Variants in CNTN4 observed in about 807,000 individuals in gnomAD.
CNTN4 encodes the protein contactin 4, also known as contactin-4.
CNTN4 carries 77 observed loss-of-function variants against 122.5 expected under a neutral mutation model. The ratio of observed to expected loss-of-function variants is 0.63; its 90% CI spans 0.52 to 0.76. The LOEUF is 0.76. Among genes scored for constraint, CNTN4 ranks in the 30% least tolerant of loss-of-function variants. The pLI is 0.00. For missense variants in CNTN4, 1,256 were observed against 1,259.1 expected, an observed-to-expected ratio of 1.00 and a Z score of 0.04; for synonymous variants, 512 against 447.0, an observed-to-expected ratio of 1.15 and a Z score of -1.83.
chr3:2,333,636 G>A (rs1171199955), intron 2 of CNTN4, among the ~76,000 whole-genome samples: 1 of 152,110 alleles, frequency 6.6e-6, no homozygotes, highest in Non-Finnish European at 1.5e-5. Flanking sequence ...TGATCTCTGT[G>A]GTTGATAGTA....
At chr3:2,233,815 G>T (rs2039579097) in intron 2 of CNTN4, among the ~76,000 whole-genome samples, 1 of 152,122 alleles carries the variant, frequency 6.6e-6, no homozygotes, top group African/African-American at 2.4e-5. Flanking sequence ...AAAGTCAATG[G>T]AAAAGTCGGG....
intron 13 of CNTN4, among the ~76,000 whole-genome samples, chr3:2,970,908 C>T (rs538732482): frequency 6.6e-6 from 1 of 152,094 alleles, no homozygotes; most frequent in African/African-American, 2.4e-5. Context: ...CTGACTCAGC[C>T]CCCCGAGTAG....
At chr3:2,621,967 T>A (rs1162821249) in intron 4 of CNTN4, among the ~76,000 whole-genome samples, 2 of 152,172 alleles carry the variant, frequency 1.3e-5, no homozygotes, top group African/African-American at 4.8e-5. Flanking sequence ...AGACTCGGTG[T>A]GCTCTGCAGA....
intron 14 of CNTN4, among the ~76,000 whole-genome samples, chr3:3,008,634 C>G (rs1696881232): frequency 6.6e-6 from 1 of 152,130 alleles, no homozygotes; most frequent in Non-Finnish European, 1.5e-5. Flanking sequence ...CGTTCCGTGT[C>G]TAAGAAAGGT....
At chr3:2,550,338 C>T (rs2078440859) in intron 3 of CNTN4, among the ~76,000 whole-genome samples, 1 of 152,024 alleles carries the variant, frequency 6.6e-6, no homozygotes, top group Non-Finnish European at 1.5e-5. Flanking sequence ...GGCCAACAAA[C>T]ATATGAAAAA....
chr3:2,916,721 C>T (rs1431690861), intron 12 of CNTN4, among the ~76,000 whole-genome samples: 2 of 143,932 alleles, frequency 1.4e-5, no homozygotes, highest in Admixed American at 6.9e-5. Context: ...TTGGGTACAC[C>T]TCCCAGACGG....
At chr3:2,623,776 A>G (rs930464065) in intron 4 of CNTN4, among the ~76,000 whole-genome samples, 1 of 152,206 alleles carries the variant, frequency 6.6e-6, no homozygotes, top group Admixed American at 6.5e-5. Flanking sequence ...CAGTAAGGAG[A>G]ACAGAGCAGA....
intron 23 of CNTN4, among the ~76,000 whole-genome samples, chr3:3,051,166 AC>A (rs1483883749): frequency 2.6e-5 from 4 of 152,176 alleles, no homozygotes; most frequent in Admixed American, 6.5e-5. Context: ...AAGATTGGAC[AC>A]CCCTGATTTA....
intron 2 of CNTN4, among the ~76,000 whole-genome samples, chr3:2,184,174 C>T (rs993811249): frequency 2.0e-5 from 3 of 151,946 alleles, no homozygotes; most frequent in African/African-American, 4.8e-5. Flanking sequence ...TTGGTAGAAA[C>T]GAGGTTTCAC....
chr3:2,557,529 C>T (rs2078768778), intron 3 of CNTN4, among the ~76,000 whole-genome samples: 1 of 152,078 alleles, frequency 6.6e-6, no homozygotes, highest in Admixed American at 6.5e-5. Context: ...AGATCGAGAC[C>T]ATCCTGGCTA....
At chr3:2,874,521 C>G (rs80033080) in intron 8 of CNTN4, among the ~76,000 whole-genome samples, 2,696 of 152,228 alleles carry the variant, frequency 0.018, 88 homozygotes, top group African/African-American at 0.061. Flanking sequence ...CTACTTGTCT[C>G]TAGAGATGCA....
At chr3:3,023,325 G>A (rs1178712551) in intron 14 of CNTN4, among the ~76,000 whole-genome samples, 4 of 152,182 alleles carry the variant, frequency 2.6e-5, no homozygotes, top group Non-Finnish European at 4.4e-5. Flanking sequence ...CAAGTGCTGA[G>A]TTAATGAATC....
chr3:2,494,179 G>A (rs894936482), intron 3 of CNTN4, among the ~76,000 whole-genome samples: 1 of 152,150 alleles, frequency 6.6e-6, no homozygotes, highest in Non-Finnish European at 1.5e-5. Context: ...AAATATAAGT[G>A]ACCAAGGCCT....
intron 6 of CNTN4, among the ~76,000 whole-genome samples, chr3:2,817,764 C>T (rs1026060001): frequency 6.6e-6 from 1 of 152,124 alleles, no homozygotes; most frequent in African/African-American, 2.4e-5. Flanking sequence ...AGATGACTTA[C>T]TCTAAGAACC....
intron 4 of CNTN4, among the ~76,000 whole-genome samples, chr3:2,585,081 A>G (rs1033444899): frequency 2.0e-5 from 3 of 152,234 alleles, no homozygotes; most frequent in African/African-American, 7.2e-5. Flanking sequence ...GTCATTAACT[A>G]CAAATAATTA....
intron 4 of CNTN4, among the ~76,000 whole-genome samples, chr3:2,686,690 A>C (rs1365169634): frequency 3.3e-5 from 5 of 152,016 alleles, no homozygotes; most frequent in African/African-American, 1.2e-4. Context: ...TTTTCTCTTG[A>C]TGGTCTCTGC....
chr3:2,690,035 G>A (rs1440903238), intron 4 of CNTN4, among the ~76,000 whole-genome samples: 1 of 152,082 alleles, frequency 6.6e-6, no homozygotes, highest in Non-Finnish European at 1.5e-5. Flanking sequence ...CATAAACTTA[G>A]AAAAGCAGTC....
chr3:2,361,614 T>C (rs771999200), intron 3 of CNTN4, among the ~76,000 whole-genome samples: 6 of 152,226 alleles, frequency 3.9e-5, no homozygotes, highest in Non-Finnish European at 8.8e-5. Flanking sequence ...TATCCAACTG[T>C]ATTGGAATAA....
chr3:2,808,220 A>G (rs1236936577), intron 6 of CNTN4, among the ~76,000 whole-genome samples: 1 of 151,456 alleles, frequency 6.6e-6, no homozygotes, highest in East Asian at 1.9e-4. Context: ...TGTGGTCCTT[A>G]TGTCTCCATT....
Sources: allele counts gnomAD v4.1 joint callset (sites outside exome capture counted in the v4.1 genomes callset), GRCh38; gene constraint gnomAD v4.1.1; transcripts MANE v1.5; gene names NCBI Gene and HGNC (gene_info 2026-07-23, HGNC 2026-07-21).